ITGAM: variants seen among roughly 807,000 people sequenced by gnomAD.
ITGAM encodes integrin alpha-M.
ITGAM carries 79 observed loss-of-function variants against 137.5 expected under a neutral mutation model. That is an observed-to-expected ratio of 0.57 (90% CI 0.48 to 0.69). The LOEUF (loss-of-function observed/expected upper bound fraction) is 0.69. Ranked by LOEUF, ITGAM falls within the 30% of genes least tolerant of loss-of-function variation. ITGAM has a pLI of 0.00. For synonymous variants in ITGAM, 583 were observed against 592.3 expected (o/e 0.98, Z 0.23); for missense variants, 1,343 against 1,483.5 (o/e 0.91, Z 1.56).
chr16:31,266,940 T>C (rs2079776117), intron 5 of ITGAM, among the ~76,000 whole-genome samples: 1 of 151,856 alleles, frequency 6.6e-6, no homozygotes, highest in African/African-American at 2.4e-5. Context: ...CGATCTTGGC[T>C]TACTGCAACC....
intron 22 of ITGAM, among the ~76,000 whole-genome samples, chr16:31,327,619 T>TA (rs921740818): frequency 6.7e-6 from 1 of 149,418 alleles, no homozygotes; most frequent in African/African-American, 2.5e-5. Flanking sequence ...ATAATAATAA[T>TA]AAAAAATAAA....
chr16:31,295,075 G>T (rs2080120281), intron 12 of ITGAM, among the ~76,000 whole-genome samples: 1 of 151,996 alleles, frequency 6.6e-6, no homozygotes, highest in African/African-American at 2.4e-5. Context: ...CTGTTCCATT[G>T]GTTGATGTGT....
At chr16:31,298,728 C>T (rs1171838904) in intron 14 of ITGAM, among the ~76,000 whole-genome samples, 1 of 152,234 alleles carries the variant, frequency 6.6e-6, no homozygotes, top group Admixed American at 6.5e-5. Context: ...GTCACACGTG[C>T]CCCTCTCTCA....
chr16:31,312,093 C>T (rs1030855517), intron 14 of ITGAM, among the ~76,000 whole-genome samples: 25 of 133,092 alleles, frequency 1.9e-4, no homozygotes, highest in Non-Finnish European at 3.8e-4. Context: ...AATGAGAACA[C>T]ATGGACACAG....
intron 12 of ITGAM, among the ~76,000 whole-genome samples, chr16:31,282,035 G>T (rs2079975183): frequency 6.6e-6 from 1 of 152,178 alleles, no homozygotes; most frequent in African/African-American, 2.4e-5. Flanking sequence ...GGTTTTGAGT[G>T]AGTTTCTTAA....
intron 1 of ITGAM, among the ~76,000 whole-genome samples, 179 bp from the exon 2 acceptor site, chr16:31,261,513 G>GTT (rs796773359): frequency 6.9e-6 from 1 of 144,758 alleles, no homozygotes; most frequent in East Asian, 2.0e-4. Flanking sequence ...ATTAGTTTTT[G>GTT]TTTTTTTTTT....
chr16:31,299,172 T>G (rs1488941669), intron 14 of ITGAM, among the ~76,000 whole-genome samples: 1 of 152,200 alleles, frequency 6.6e-6, no homozygotes, highest in Non-Finnish European at 1.5e-5. Context: ...CATCTATTGG[T>G]GCAATGTTGT....
intron 16 of ITGAM, among the ~76,000 whole-genome samples, chr16:31,323,751 C>T (rs1292783571): frequency 1.3e-5 from 2 of 152,108 alleles, no homozygotes; most frequent in Non-Finnish European, 2.9e-5. Flanking sequence ...GGAGGCCAGG[C>T]GCAGTGGCTC....
intron 16 of ITGAM, among the ~76,000 whole-genome samples, chr16:31,322,126 A>T (rs2080457176): frequency 6.6e-6 from 1 of 152,162 alleles, no homozygotes; most frequent in Non-Finnish European, 1.5e-5. Context: ...TCTAGTAATG[A>T]CAGTACTAGA....
At chr16:31,269,001 G>A (rs902570526) in intron 5 of ITGAM, among the ~76,000 whole-genome samples, 5 of 152,082 alleles carry the variant, frequency 3.3e-5, no homozygotes, top group Admixed American at 3.3e-4. Context: ...GCTATGCAGG[G>A]GACCAGAGTT....
At chr16:31,317,266 T>C (rs1235857048) in intron 14 of ITGAM, among the ~76,000 whole-genome samples, 4 of 152,300 alleles carry the variant, frequency 2.6e-5, no homozygotes, top group African/African-American at 9.6e-5. Context: ...TGATGTAATT[T>C]CCCTGTATTT....
At chr16:31,276,863 G>A (rs2079912242) in intron 10 of ITGAM, 57 bp from the exon 11 acceptor site, 4 of 1,593,418 alleles carry the variant, frequency 2.5e-6, no homozygotes, top group East Asian at 2.2e-5. Flanking sequence ...AGCTCTGTGA[G>A]GGGCAGCGGT....
At chr16:31,296,205 C>T (rs912031504) in intron 12 of ITGAM, among the ~76,000 whole-genome samples, 2 of 150,722 alleles carry the variant, frequency 1.3e-5, no homozygotes, top group South Asian at 2.1e-4. Context: ...CCCAGGTTCA[C>T]GCCATTCTCC....
chr16:31,308,350 A>T (rs900969136), intron 14 of ITGAM, among the ~76,000 whole-genome samples: 12 of 152,202 alleles, frequency 7.9e-5, no homozygotes, highest in Admixed American at 7.2e-4. Context: ...CTATTCAGAG[A>T]TTCAGCTTCT....
chr16:31,327,712 C>A (rs2080523091), intron 22 of ITGAM, among the ~76,000 whole-genome samples: 1 of 152,026 alleles, frequency 6.6e-6, no homozygotes, highest in African/African-American at 2.4e-5. Flanking sequence ...GAAGCAGATA[C>A]CAGGGACGGG....
intron 2 of ITGAM, among the ~76,000 whole-genome samples, chr16:31,262,247 CTTCCTTCCTTCCTTCT>C (rs935815073): frequency 6.6e-6 from 1 of 151,654 alleles, no homozygotes; most frequent in South Asian, 2.1e-4. Context: ...TCCTCCCTTC[CTTCCTTCCTTCCTTCT>C]TTCCTTCCTT....
At chr16:31,287,897 T>G (rs1444524554) in intron 12 of ITGAM, among the ~76,000 whole-genome samples, 1 of 152,084 alleles carries the variant, frequency 6.6e-6, no homozygotes, top group Admixed American at 6.6e-5. Context: ...CTGTTTTCGG[T>G]GTGTGGTCAG....
intron 14 of ITGAM, among the ~76,000 whole-genome samples, chr16:31,307,514 C>A (rs1213001747): frequency 1.3e-5 from 2 of 152,182 alleles, no homozygotes; most frequent in African/African-American, 4.8e-5. Context: ...TGAGACTTTG[C>A]TGAAGTTGCT....
At chr16:31,287,102 A>G (rs896492679) in intron 12 of ITGAM, among the ~76,000 whole-genome samples, 1 of 152,154 alleles carries the variant, frequency 6.6e-6, no homozygotes, top group African/African-American at 2.4e-5. Context: ...CTGCATATGG[A>G]TAGCCAGTTA....
Sources: allele counts gnomAD v4.1 joint callset (sites outside exome capture counted in the v4.1 genomes callset), GRCh38; gene constraint gnomAD v4.1.1; transcripts MANE v1.5; gene names NCBI Gene and HGNC (gene_info 2026-07-23, HGNC 2026-07-21).